The following TMTC2 variants were observed in gnomAD, a reference collection of about 807,000 sequenced individuals.
TMTC2 encodes protein O-mannosyl-transferase TMTC2.
In TMTC2, 43 loss-of-function variants were observed where a neutral mutation model predicts 82.4. The ratio of observed to expected loss-of-function variants is 0.52; its 90% CI spans 0.41 to 0.67. The LOEUF (loss-of-function observed/expected upper bound fraction) is 0.67, where lower values mean the gene tolerates loss of function less well. Among genes scored for constraint, TMTC2 ranks in the 30% least tolerant of loss-of-function variants. The pLI is 0.00. For missense variants in TMTC2, 919 were observed against 1,012.4 expected, an observed-to-expected ratio of 0.91 and a Z score of 1.25; for synonymous variants, 408 against 381.9, an observed-to-expected ratio of 1.07 and a Z score of -0.80.
At chr12:83,053,476 A>G (rs775949175) in intron 10 of TMTC2, among the ~76,000 whole-genome samples, 18 of 152,210 alleles carry the variant, frequency 1.2e-4, no homozygotes, top group East Asian at 5.8e-4. Context: ...CAAATTTCCA[A>G]TGTAATGACC....
At chr12:83,109,574 C>G (rs914552806) in intron 11 of TMTC2, among the ~76,000 whole-genome samples, 1 of 152,312 alleles carries the variant, frequency 6.6e-6, no homozygotes, top group Admixed American at 6.5e-5. Context: ...TCCTTGACTA[C>G]TATCTCCACC....
intron 4 of TMTC2, among the ~76,000 whole-genome samples, chr12:82,960,854 G>A (rs1164887594): frequency 6.6e-6 from 1 of 151,640 alleles, no homozygotes; most frequent in Non-Finnish European, 1.5e-5. Flanking sequence ...ATGTGTTCCT[G>A]TTTTTCATAT....
intron 1 of TMTC2, among the ~76,000 whole-genome samples, chr12:82,784,920 T>C (rs1352072030): frequency 6.6e-6 from 1 of 152,090 alleles, no homozygotes; most frequent in Non-Finnish European, 1.5e-5. Flanking sequence ...TTGGTTTTGG[T>C]TCCAAAGGCT....
At chr12:83,055,981 C>T (rs1338448835) in intron 10 of TMTC2, among the ~76,000 whole-genome samples, 2 of 151,858 alleles carry the variant, frequency 1.3e-5, no homozygotes, top group African/African-American at 4.8e-5. Flanking sequence ...TAGTATGATA[C>T]TGTTTTTACT....
At chr12:82,903,589 A>G (rs568472459) in intron 3 of TMTC2, among the ~76,000 whole-genome samples, 22 of 151,788 alleles carry the variant, frequency 1.4e-4, no homozygotes, top group African/African-American at 5.3e-4. Flanking sequence ...TTTTTTTTGT[A>G]TTTTTAGTAG....
chr12:82,868,273 G>C (rs1871970191), intron 2 of TMTC2, among the ~76,000 whole-genome samples: 1 of 152,148 alleles, frequency 6.6e-6, no homozygotes, highest in Non-Finnish European at 1.5e-5. Flanking sequence ...ACCATATAGA[G>C]TAGTTAATGG....
chr12:82,977,593 G>A lies in TMTC2; in HGVS notation c.1949-8332G>A, dbSNP rs180894243. Among the ~76,000 whole-genome samples, 214 of 151,870 alleles carry A rather than the reference G, an allele frequency of 1.4e-3. 1 individual carries two copies. Among genetic ancestry groups the A allele is most frequent in the African/African-American group, 5.1e-3 (211 of 41,522 alleles). ...TACCACATAGCAAAGTATATTTCAT[G>A]TGGAATACATAGTTCATTTTAATAA... On this transcript the variant is annotated intron_variant, in intron 7 of 11. Transcript: ENST00000321196.
Position 82,824,051 on chromosome 12 carries a change from G to T in TMTC2, c.84-32959G>T, listed in dbSNP as rs201446638. Among the ~76,000 whole-genome samples, 50 of 152,160 alleles carry T rather than the reference G, an allele frequency of 3.3e-4. 1 individual carries two copies. In the East Asian group the frequency reaches 9.3e-3, roughly 28 times the overall value. On this transcript the variant is annotated intron_variant, in intron 1 of 11. Coordinates refer to ENST00000321196, the MANE Select transcript of TMTC2 (RefSeq NM_152588.3). The stretch of plus-strand genomic sequence containing the variant: ...TGGAATTGCAGGCGTCCACCACCAG[G>T]CCCAGCTAATTTTTGTATTTTTAAT...
intron 1 of TMTC2, chr12:82,759,258 C>A (rs1565737754): frequency 1.3e-5 from 2 of 152,078 alleles, no homozygotes; most frequent in Non-Finnish European, 2.9e-5. Context: ...ATTAAAACAG[C>A]CTTTTAACAA....
intron 1 of TMTC2, among the ~76,000 whole-genome samples, chr12:82,850,494 A>G (rs1393883250): frequency 6.6e-6 from 1 of 152,038 alleles, no homozygotes; most frequent in East Asian, 1.9e-4. Flanking sequence ...CAGTTGTTGG[A>G]TATGACCACC....
intron 9 of TMTC2, among the ~76,000 whole-genome samples, chr12:83,049,036 G>A (rs1027339789): frequency 2.6e-5 from 4 of 152,164 alleles, no homozygotes; most frequent in South Asian, 2.1e-4. Context: ...GGTCTTTTGC[G>A]TTGGAAGACA....
chr12:83,089,845 AAC>A (rs1181436214), intron 11 of TMTC2, among the ~76,000 whole-genome samples: 120 of 149,670 alleles, frequency 8.0e-4, no homozygotes, highest in African/African-American at 2.8e-3. Flanking sequence ...AAAAACAAAA[AAC>A]AAAAAAAAAA....
chr12:82,881,421 T>C (rs1254350718), intron 2 of TMTC2, among the ~76,000 whole-genome samples: 1 of 152,188 alleles, frequency 6.6e-6, no homozygotes, highest in Admixed American at 6.5e-5. Context: ...AATTTCACAT[T>C]AAAAGAGGGA....
chr12:83,059,918 A>G (rs1277300836), intron 10 of TMTC2, among the ~76,000 whole-genome samples: 1 of 151,710 alleles, frequency 6.6e-6, no homozygotes, highest in Non-Finnish European at 1.5e-5. Flanking sequence ...AAGTTACTCC[A>G]ATTTCCTACC....
intron 4 of TMTC2, among the ~76,000 whole-genome samples, chr12:82,955,163 T>A (rs913544376): frequency 6.6e-6 from 1 of 152,192 alleles, no homozygotes; most frequent in Non-Finnish European, 1.5e-5. Context: ...CCTTGTAAGA[T>A]GTTTAAAAGC....
At chr12:82,720,626 A>G (rs1037977835) in intron 1 of TMTC2, among the ~76,000 whole-genome samples, 2 of 152,192 alleles carry the variant, frequency 1.3e-5, no homozygotes, top group East Asian at 3.8e-4. Context: ...AGATACGATC[A>G]TTATCTGTTT....
intron 1 of TMTC2, among the ~76,000 whole-genome samples, chr12:82,740,816 C>T (rs1400273029): frequency 6.6e-6 from 1 of 152,180 alleles, no homozygotes; most frequent in African/African-American, 2.4e-5. Context: ...GCCTACCTTT[C>T]TTTGACCTGC....
intron 1 of TMTC2, among the ~76,000 whole-genome samples, chr12:82,707,501 ACT>A (rs1314879572): frequency 1.3e-5 from 2 of 151,806 alleles, no homozygotes; most frequent in African/African-American, 4.8e-5. Flanking sequence ...GGCCATGAGG[ACT>A]CTGTTTCTTT....
intron 1 of TMTC2, among the ~76,000 whole-genome samples, chr12:82,756,033 TTTC>T (rs1411052645): frequency 6.6e-6 from 1 of 152,126 alleles, no homozygotes; most frequent in Non-Finnish European, 1.5e-5. Context: ...TGAAGGAACA[TTTC>T]TTCTTTTTGT....
Sources: allele counts gnomAD v4.1 joint callset (sites outside exome capture counted in the v4.1 genomes callset), GRCh38; gene constraint gnomAD v4.1.1; transcripts MANE v1.5; gene names NCBI Gene and HGNC (gene_info 2026-07-23, HGNC 2026-07-21).